ENTPD1: variants seen among roughly 807,000 people sequenced by gnomAD.
The protein encoded by ENTPD1 is ectonucleoside triphosphate diphosphohydrolase 1.
A neutral mutation model predicts 57.0 loss-of-function variants in ENTPD1; 33 were observed. The observed-to-expected ratio is 0.58, with a 90% CI of 0.44 to 0.77. The LOEUF (loss-of-function observed/expected upper bound fraction) is 0.77, where lower values mean the gene tolerates loss of function less well. Ranked by LOEUF, ENTPD1 falls within the 30% of genes least tolerant of loss-of-function variation. ENTPD1 has a pLI of 0.00. For missense variants in ENTPD1, 501 were observed against 603.4 expected (o/e 0.83, Z 1.78); for synonymous variants, 202 against 218.8 (o/e 0.92, Z 0.68).
chr10:95,705,684 G>A, the ENTPD1 span, among the ~76,000 whole-genome samples: 5 of 152,304 alleles, frequency 3.3e-5, no homozygotes, highest in South Asian at 1.0e-3. Context: ...TAGAGATGGG[G>A]TTTCGCCATT....
the ENTPD1 span, among the ~76,000 whole-genome samples, chr10:95,703,021 G>A: frequency 1.9e-3 from 292 of 151,898 alleles, 5 homozygotes; most frequent in African/African-American, 6.5e-3. Context: ...TCCTCACCTC[G>A]TGATCCACCC....
intron 1 of ENTPD1, among the ~76,000 whole-genome samples, chr10:95,809,607 G>A (rs1374237163): frequency 4.4e-5 from 6 of 137,010 alleles, no homozygotes; most frequent in Non-Finnish European, 9.7e-5. Context: ...GCGGATGCCA[G>A]GCAGAGGCGC....
intron 1 of ENTPD1, among the ~76,000 whole-genome samples, chr10:95,725,044 A>G (rs556618068): frequency 3.3e-5 from 5 of 151,508 alleles, no homozygotes; most frequent in African/African-American, 9.7e-5. Context: ...TCATCAATCT[A>G]TTTCCCTCTG....
chr10:95,802,052 G>T (rs771737777), intron 1 of ENTPD1, among the ~76,000 whole-genome samples: 7 of 152,094 alleles, frequency 4.6e-5, no homozygotes, highest in African/African-American at 1.7e-4. Flanking sequence ...GTCAGCCCTC[G>T]GGAGGTCCTG....
Position 95,872,383 on chromosome 10 carries a change from C to T in ENTPD1, c.*6000C>T, listed in dbSNP as rs1295414786. On this transcript the variant is annotated 3_prime_UTR_variant, in exon 10 of 10. Coordinates refer to ENST00000371205, the MANE Select transcript of ENTPD1 (RefSeq NM_001776.6). ...CTCCTCTGATGTTTCCTACACTACA[C>T]TACACTATACTACACTACAGCCAGG... 9.1e-6 allele frequency: 9 copies of T among 985,342 alleles called. No homozygotes were observed. Among genetic ancestry groups the T allele is most frequent in the African/African-American group, 1.7e-5 (1 of 57,256 alleles). 61.0% of individuals were successfully genotyped at this position (985,342 alleles called of 1,614,324 possible).
intron 6 of ENTPD1, among the ~76,000 whole-genome samples, chr10:95,847,104 G>A (rs1255714074): frequency 3.3e-5 from 5 of 151,994 alleles, no homozygotes. Flanking sequence ...CCAAATTTTT[G>A]ACAACCTTGA....
the ENTPD1 span, among the ~76,000 whole-genome samples, chr10:95,694,439 A>G: frequency 3.8e-4 from 57 of 151,374 alleles, no homozygotes; most frequent in African/African-American, 1.3e-3. Flanking sequence ...AAAAAAACAC[A>G]TTAGAAATAA....
intron 1 of ENTPD1, among the ~76,000 whole-genome samples, chr10:95,778,434 C>A (rs1412178522): frequency 2.0e-5 from 3 of 151,784 alleles, no homozygotes; most frequent in African/African-American, 7.3e-5. Context: ...GGTAGGCAAA[C>A]AAAGTAAACT....
the ENTPD1 span, among the ~76,000 whole-genome samples, chr10:95,696,638 A>G: frequency 6.6e-6 from 1 of 152,234 alleles, no homozygotes; most frequent in Non-Finnish European, 1.5e-5. Flanking sequence ...AATACTTTTG[A>G]GATCCAGTAT....
At chr10:95,721,433 T>C (rs2097977306) in intron 1 of ENTPD1, among the ~76,000 whole-genome samples, 1 of 152,224 alleles carries the variant, frequency 6.6e-6, no homozygotes, top group Admixed American at 6.5e-5. Context: ...GCTGCAGTTA[T>C]GGTGGCACTT....
intron 1 of ENTPD1, among the ~76,000 whole-genome samples, chr10:95,808,022 T>C (rs1282412229): frequency 5.9e-5 from 9 of 152,208 alleles, no homozygotes; most frequent in Admixed American, 5.9e-4. Flanking sequence ...TGCTTCCAGG[T>C]CTTGCCATTT....
rs1758257999 is a variant in ENTPD1, at chr10:95,812,144, A to T, written c.17-11093A>T. On this transcript the variant is annotated intron_variant, in intron 1 of 9. Coordinates refer to ENST00000371205, the MANE Select transcript of ENTPD1 (RefSeq NM_001776.6). The stretch of plus-strand genomic sequence containing the variant: ...ACTTTTTAAGGTGTAAAGTTCTATG[A>T]ATTTTGACAAACATATAAAGTCATT... Among the ~76,000 whole-genome samples the T allele has an allele frequency of 3.6e-5, 5 of 140,368 alleles. No homozygotes were observed. In the South Asian group the frequency reaches 1.1e-3, roughly 31 times the overall value. 92.1% of individuals were successfully genotyped at this position (140,368 alleles called of 152,430 possible). A position where few individuals can be genotyped will look rare whatever the true frequency, so the allele number is the denominator to read the frequency against.
At chr10:95,710,538 C>T (rs962033224), upstream of ENTPD1, among the ~76,000 whole-genome samples, 5 of 152,038 alleles carry the variant, frequency 3.3e-5, no homozygotes, top group African/African-American at 1.2e-4. Flanking sequence ...TGTTTAGTAG[C>T]TCTGGCAGAA....
At chr10:95,822,988 A>G (rs1406607628) in intron 1 of ENTPD1, among the ~76,000 whole-genome samples, 1 of 152,204 alleles carries the variant, frequency 6.6e-6, no homozygotes, top group Non-Finnish European at 1.5e-5. Flanking sequence ...TCCATATCTG[A>G]TCACTGACCT....
the ENTPD1 span, among the ~76,000 whole-genome samples, chr10:95,701,416 A>G: frequency 3.3e-5 from 5 of 152,378 alleles, no homozygotes; most frequent in East Asian, 3.9e-4. Flanking sequence ...TTGTGGATCT[A>G]AAGACATTGT....
At chr10:95,855,459 G>A (rs1259040229) in intron 7 of ENTPD1, among the ~76,000 whole-genome samples, 17 of 151,976 alleles carry the variant, frequency 1.1e-4, no homozygotes, top group African/African-American at 4.1e-4. Context: ...ATTGTTATGT[G>A]TGAATTTGAT....
chr10:95,828,812 G>A (rs1241570942), intron 2 of ENTPD1, among the ~76,000 whole-genome samples: 2 of 150,474 alleles, frequency 1.3e-5, no homozygotes, highest in Non-Finnish European at 2.9e-5. Flanking sequence ...CCAGGTTCAA[G>A]CAATTCTCCT....
At chr10:95,800,420 T>C (rs537768518) in intron 1 of ENTPD1, among the ~76,000 whole-genome samples, 9 of 152,330 alleles carry the variant, frequency 5.9e-5, no homozygotes, top group African/African-American at 1.7e-4. Flanking sequence ...TGAGGGCCTA[T>C]GTCCCACTGT....
intron 1 of ENTPD1, among the ~76,000 whole-genome samples, chr10:95,760,947 A>G (rs1246941862): frequency 6.8e-6 from 1 of 146,606 alleles, no homozygotes; most frequent in South Asian, 2.2e-4. Context: ...CTCCTGCCTC[A>G]GCCTCCCGAG....
Sources: gnomAD v4.1 joint callset for allele counts (sites outside exome capture counted in the v4.1 genomes callset) on GRCh38, gnomAD v4.1.1 for gene constraint, MANE v1.5 for transcripts, NCBI Gene and HGNC (gene_info 2026-07-23, HGNC 2026-07-21) for gene names.